The following CUX2 variants were observed in gnomAD, a reference collection of about 807,000 sequenced individuals.
CUX2 encodes the protein cut like homeobox 2, also known as homeobox protein cut-like 2.
In CUX2, 40 loss-of-function variants were observed where a neutral mutation model predicts 144.8. That is an observed-to-expected ratio of 0.28 (90% CI 0.21 to 0.36). The LOEUF (loss-of-function observed/expected upper bound fraction) is 0.36. CUX2 is among the 10% of genes least tolerant of loss of function. The probability of loss-of-function intolerance (pLI) is 1.00; values close to 1 mark genes in which losing one functional copy is unlikely to be tolerated. For synonymous variants in CUX2, 827 were observed against 875.6 expected, an observed-to-expected ratio of 0.94 and a Z score of 0.98; for missense variants, 1,615 against 1,994.0, an observed-to-expected ratio of 0.81 and a Z score of 3.62.
chr12:111,257,886 C>T (rs1271058015), intron 3 of CUX2, among the ~76,000 whole-genome samples: 1 of 152,110 alleles, frequency 6.6e-6, no homozygotes, highest in East Asian at 1.9e-4. Flanking sequence ...TGCTGCCCTT[C>T]TGTGTGGTTG....
At chr12:111,308,834 T>C (rs1886731275) in intron 14 of CUX2, among the ~76,000 whole-genome samples, 1 of 152,114 alleles carries the variant, frequency 6.6e-6, no homozygotes, top group African/African-American at 2.4e-5. Context: ...AGCAGGGCAT[T>C]GTCATTACAC....
At chr12:111,098,722 C>G (rs1873000236) in intron 1 of CUX2, among the ~76,000 whole-genome samples, 1 of 152,266 alleles carries the variant, frequency 6.6e-6, no homozygotes, top group Non-Finnish European at 1.5e-5. Context: ...ACCTCCCTCT[C>G]TCTAGCAAGG....
chr12:111,254,645 C>G (rs917821959), intron 3 of CUX2, among the ~76,000 whole-genome samples: 1 of 152,080 alleles, frequency 6.6e-6, no homozygotes, highest in Non-Finnish European at 1.5e-5. Flanking sequence ...AAAATGAATT[C>G]GTGACTTATA....
At chr12:111,097,355 G>C (rs1872881130) in intron 1 of CUX2, among the ~76,000 whole-genome samples, 1 of 152,150 alleles carries the variant, frequency 6.6e-6, no homozygotes, top group Non-Finnish European at 1.5e-5. Flanking sequence ...GAAGTGTTTT[G>C]GGAAATGACA....
At chr12:111,195,355 G>A (rs957026326) in intron 1 of CUX2, among the ~76,000 whole-genome samples, 1 of 151,796 alleles carries the variant, frequency 6.6e-6, no homozygotes, top group African/African-American at 2.4e-5. Flanking sequence ...ATATGGAAAA[G>A]ACAGAGTTTA....
At chr12:111,172,595 G>A (rs142086316) in intron 1 of CUX2, among the ~76,000 whole-genome samples, 2 of 152,250 alleles carry the variant, frequency 1.3e-5, no homozygotes, top group South Asian at 2.1e-4. Context: ...CCCAGCCAGC[G>A]CTTTCCACTC....
At chr12:111,115,930 C>T (rs940549988) in intron 1 of CUX2, among the ~76,000 whole-genome samples, 5 of 152,148 alleles carry the variant, frequency 3.3e-5, no homozygotes, top group African/African-American at 4.8e-5. Context: ...AATGAATGAA[C>T]GAATCCCCTC....
intron 1 of CUX2, among the ~76,000 whole-genome samples, chr12:111,054,354 C>A (rs891222618): frequency 5.3e-5 from 8 of 152,132 alleles, no homozygotes; most frequent in African/African-American, 1.9e-4. Context: ...GTTATAATAG[C>A]AACCTCACCC....
intron 4 of CUX2, among the ~76,000 whole-genome samples, chr12:111,284,300 A>G (rs1356646543): frequency 3.9e-5 from 6 of 152,160 alleles, no homozygotes; most frequent in Non-Finnish European, 8.8e-5. Flanking sequence ...TGCATTGTCC[A>G]GGGTCACACA....
In CUX2 at chr12:111,320,096, TC is replaced by T; in HGVS notation, c.2089del (p.Leu697TrpfsTer49). 1 of 1,558,064 alleles carries T rather than the reference TC, an allele frequency of 6.4e-7. No individual in the cohort carries two copies. Among genetic ancestry groups the T allele is most frequent in the Non-Finnish European group, 8.7e-7 (1 of 1,155,286 alleles). On this transcript the variant is annotated frameshift_variant, in exon 17 of 22. Transcript: ENST00000261726. LOFTEE classifies it high-confidence loss of function. The surrounding 1 kb of genome is among the most constrained non-coding windows in gnomAD (Gnocchi z 8.1). ...ACCTCGGAGGACGCCATCAAGAGCA[TC>T]CTGGAGCAGGCACGCCGTGAGATGC... Reference protein sequence around the residue: ...ASTSEDAIKSILEQARREMQA... With the variant: ...ASTSEDAIKSXLEQARREMQA...
At chr12:111,187,387 CT>C (rs1879612305) in intron 1 of CUX2, among the ~76,000 whole-genome samples, 1 of 152,164 alleles carries the variant, frequency 6.6e-6, no homozygotes, top group Admixed American at 6.5e-5. Flanking sequence ...AGGTCTTTGC[CT>C]AAAAGTCACC....
At chr12:111,143,483 G>A (rs754154811) in intron 1 of CUX2, among the ~76,000 whole-genome samples, 5 of 152,146 alleles carry the variant, frequency 3.3e-5, no homozygotes, top group Admixed American at 2.6e-4. Context: ...TGGCAGTCCC[G>A]AGTAAAGGAT....
intron 1 of CUX2, among the ~76,000 whole-genome samples, chr12:111,199,415 C>G (rs1197961607): frequency 6.6e-6 from 1 of 152,150 alleles, no homozygotes; most frequent in Non-Finnish European, 1.5e-5. Flanking sequence ...AACATTATCC[C>G]CATTGCGCAG....
At chr12:111,120,557 C>T (rs1874585622) in intron 1 of CUX2, among the ~76,000 whole-genome samples, 1 of 151,810 alleles carries the variant, frequency 6.6e-6, no homozygotes, top group African/African-American at 2.4e-5. Context: ...GGTAGAATCT[C>T]ACAGGTGTAG....
intron 1 of CUX2, among the ~76,000 whole-genome samples, chr12:111,134,614 C>CTGTGTG (rs1159711656): frequency 6.9e-6 from 1 of 144,168 alleles, no homozygotes; most frequent in African/African-American, 2.9e-5. Flanking sequence ...CTCTCTCTCT[C>CTGTGTG]TCTCTCTGTG....
At chr12:111,324,346 G>GTC (rs1887672985) in intron 18 of CUX2, among the ~76,000 whole-genome samples, 3 of 127,532 alleles carry the variant, frequency 2.4e-5, no homozygotes, top group Non-Finnish European at 4.7e-5. Context: ...GTGAGACTCT[G>GTC]TCTCAAAAAA....
chr12:111,048,654 C>T (rs1303344481), intron 1 of CUX2, among the ~76,000 whole-genome samples: 1 of 152,002 alleles, frequency 6.6e-6, no homozygotes, highest in Non-Finnish European at 1.5e-5. Context: ...GCATTATTAC[C>T]AGTGTGTTTC....
At chr12:111,227,957 C>T (rs1882246538) in intron 3 of CUX2, among the ~76,000 whole-genome samples, 1 of 152,298 alleles carries the variant, frequency 6.6e-6, no homozygotes, top group Non-Finnish European at 1.5e-5. Flanking sequence ...GATGGACCCA[C>T]ACACCCCTAC....
intron 1 of CUX2, among the ~76,000 whole-genome samples, chr12:111,196,168 A>T (rs182412715): frequency 1.1e-4 from 16 of 152,364 alleles, no homozygotes; most frequent in African/African-American, 3.8e-4. Context: ...AGGTTTGCCC[A>T]TGTGGTAACA....
Sources: gnomAD v4.1 joint callset for allele counts (sites outside exome capture counted in the v4.1 genomes callset) on GRCh38, gnomAD v4.1.1 for gene constraint, Gnocchi (gnomAD v3.1) non-coding constraint, MANE v1.5 for transcripts, NCBI Gene and HGNC (gene_info 2026-07-23, HGNC 2026-07-21) for gene names.